Variants in ONECUT3 observed in about 807,000 individuals in gnomAD.
ONECUT3 encodes one cut domain family member 3.
ONECUT3 carries 11 observed loss-of-function variants against 16.8 expected under a neutral mutation model. That is an observed-to-expected ratio of 0.66 (90% CI 0.41 to 1.09). ONECUT3 has a LOEUF of 1.09. ONECUT3 is among the 50% of genes least tolerant of loss of function. The pLI is 0.00. For synonymous variants in ONECUT3, 344 were observed against 310.7 expected, an observed-to-expected ratio of 1.11 and a Z score of -1.13; for missense variants, 637 against 629.9, an observed-to-expected ratio of 1.01 and a Z score of -0.12.
At chr19:1,761,045 C>CTT (rs547570248) in intron 1 of ONECUT3, among the ~76,000 whole-genome samples, 73 of 84,020 alleles carry the variant, frequency 8.7e-4, no homozygotes, top group African/African-American at 2.1e-3. Flanking sequence ...CATTCCTGCT[C>CTT]TTTTTTTTTT....
chr19:1,755,463 G>A lies in ONECUT3; in HGVS notation c.1192+609G>A, dbSNP rs1326357277. ...CGATACCCCCTCCCTCTCCCCTCCGGCCGCTGGCAAAGGTCACCCGAGAAT... is the reference window on the plus strand; with the variant it reads ...CGATACCCCCTCCCTCTCCCCTCCGACCGCTGGCAAAGGTCACCCGAGAAT... On this transcript the variant is annotated intron_variant, in intron 1 of 1. Coordinates refer to ENST00000382349, the MANE Select transcript of ONECUT3 (RefSeq NM_001080488.2). This position sits in a 1 kb window ranked among gnomAD's most constrained non-coding sequence, Gnocchi z 7.5. 6.6e-6 allele frequency among the ~76,000 whole-genome samples: 1 copy of A among 151,968 alleles called. No homozygotes were observed. The highest frequency in any genetic ancestry group is 2.4e-5 in the African/African-American group (1 of 41,378).
In ONECUT3 at chr19:1,755,600, C is replaced by T. The variant is rs1292777340; in HGVS notation, c.1192+746C>T. ...TGGTCGTGGCTCGGGTGCGCGCGCCCCTGCCCGCCTGGCTTTGGGGTTTTG... is the reference window on the plus strand; with the variant it reads ...TGGTCGTGGCTCGGGTGCGCGCGCCTCTGCCCGCCTGGCTTTGGGGTTTTG... On this transcript the variant is annotated intron_variant, in intron 1 of 1. Coordinates refer to ENST00000382349, the MANE Select transcript of ONECUT3 (RefSeq NM_001080488.2). The surrounding 1 kb of genome is among the most constrained non-coding windows in gnomAD (Gnocchi z 7.5). 1.3e-5 allele frequency among the ~76,000 whole-genome samples: 2 copies of T among 152,226 alleles called. No individual in the cohort carries two copies. The highest frequency in any genetic ancestry group is 3.9e-4 in the East Asian group (2 of 5,158).
chr19:1,757,842 C>T (rs1160692148), intron 1 of ONECUT3, among the ~76,000 whole-genome samples: 1 of 152,162 alleles, frequency 6.6e-6, no homozygotes. Context: ...GACGCCCCAA[C>T]GCTGGTGCTC....
intron 1 of ONECUT3, 27 bp from the exon 2 acceptor site, chr19:1,775,126 G>GGGCCGCCCCCCC: frequency 1.7e-6 from 2 of 1,143,898 alleles, no homozygotes; most frequent in Non-Finnish European, 2.4e-6. Context: ...TGTCCCGCTC[G>GGGCCGCCCCCCC]CCCGCCCGCC....
In ONECUT3 at chr19:1,754,779, C is replaced by G; in HGVS notation, c.1117C>G (p.Arg373Gly). 6.4e-7 allele frequency: 1 copy of G among 1,565,088 alleles called. No homozygotes were observed. ...GCCGTGGAGCAAGCTCAAATCCGGC[C>G]GCGAGACCTTCCGCAGGATGTGGAA... The part of the protein sequence containing the change: ...PKPWSKLKSG[R>G]ETFRRMWKWL... Residue 373 changes from arginine (R) to glycine (G), a missense_variant, in exon 1 of 2, where the codon CGC becomes GGC. Physicochemically the swap from Arg to Gly is moderately radical, Grantham distance 125. Around this residue, in one of 3 missense-constraint regions of ONECUT3, gnomAD observed 183 missense variants for 188.3 expected, o/e 0.97. Transcript: ENST00000382349. This position sits in a 1 kb window ranked among gnomAD's most constrained non-coding sequence, Gnocchi z 7.4.
Position 1,775,811 on chromosome 19 carries a change from A to G in ONECUT3, c.*366A>G. ...CCCTAAAGCGGGTCAAGAAGCACAT[A>G]CTAGAAATATAAACCGGGTATTTAA... is the stretch of plus-strand genomic sequence containing the variant. On this transcript the variant is annotated 3_prime_UTR_variant, in exon 2 of 2. Coordinates refer to ENST00000382349, the MANE Select transcript of ONECUT3 (RefSeq NM_001080488.2). 5.8e-6 allele frequency: 1 copy of G among 173,808 alleles called. No individual in the cohort carries two copies. Among genetic ancestry groups the G allele is most frequent in the East Asian group, 1.5e-4 (1 of 6,492 alleles). The allele number at this position is 173,808 out of a possible 1,614,324, so 10.8% of individuals were successfully genotyped here.
rs757813156 is a variant in ONECUT3 at position 1,776,919 on chromosome 19, G to T, written c.*1474G>T. On this transcript the variant is annotated 3_prime_UTR_variant, in exon 2 of 2. Coordinates refer to ENST00000382349, the MANE Select transcript of ONECUT3 (RefSeq NM_001080488.2). This position sits in a 1 kb window ranked among gnomAD's most constrained non-coding sequence, Gnocchi z 4.9. ...TTGGAAAATCACGCCTGATACCAAA[G>T]ATTTCTCCCAAGGATTTGTGCTGGA... 2.0e-5 allele frequency: 3 copies of T among 152,130 alleles called. No individual in the cohort carries two copies. Among genetic ancestry groups the T allele is most frequent in the Non-Finnish European group, 2.9e-5 (2 of 68,042 alleles). 9.4% of individuals were successfully genotyped at this position (152,130 alleles called of 1,614,324 possible).
intron 1 of ONECUT3, among the ~76,000 whole-genome samples, chr19:1,760,446 C>T (rs891723409): frequency 4.6e-5 from 7 of 151,996 alleles, no homozygotes; most frequent in African/African-American, 1.7e-4. Context: ...GTGGCACTTT[C>T]CACGTTCTCA....
intron 1 of ONECUT3, 146 bp from the exon 2 acceptor site, chr19:1,775,007 G>T: frequency 1.7e-6 from 1 of 573,140 alleles, no homozygotes. Context: ...CTCTCCCTGG[G>T]ACCTTATGTG....
chr19:1,775,124 T>TCGGGC, intron 1 of ONECUT3, 29 bp from the exon 2 acceptor site: 1 of 1,082,162 alleles, frequency 9.2e-7, no homozygotes, highest in Non-Finnish European at 1.3e-6. Context: ...TGTGTCCCGC[T>TCGGGC]CGCCCGCCCG....
At chr19:1,769,192 G>A (rs1278855462) in intron 1 of ONECUT3, among the ~76,000 whole-genome samples, 1 of 151,264 alleles carries the variant, frequency 6.6e-6, no homozygotes, top group African/African-American at 2.4e-5. Flanking sequence ...TGGAGGTGAT[G>A]GAGGTGGAGG....
chr19:1,775,130 G>GCCCCCCCCCCCC, intron 1 of ONECUT3, 23 bp from the exon 2 acceptor site: 1 of 756,848 alleles, frequency 1.3e-6, no homozygotes, highest in Non-Finnish European at 1.9e-6. Context: ...CCGCTCGCCC[G>GCCCCCCCCCCCC]CCCGCCCGCC....
intron 1 of ONECUT3, among the ~76,000 whole-genome samples, chr19:1,756,103 G>T (rs995793776): frequency 7.2e-5 from 11 of 152,146 alleles, no homozygotes; most frequent in African/African-American, 2.7e-4. Flanking sequence ...CAGGCAGCCC[G>T]TCCAGGCAGG....
intron 1 of ONECUT3, among the ~76,000 whole-genome samples, chr19:1,763,389 A>AAAAAAAAAAAAAAAAAAT (rs2067957880): frequency 7.1e-6 from 1 of 141,166 alleles, no homozygotes; most frequent in Non-Finnish European, 1.5e-5. Context: ...AAAAAAAAAA[A>AAAAAAAAAAAAAAAAAAT]AAAAAAATTA....
In ONECUT3 at chr19:1,774,474, G is replaced by A. The variant is rs1024591512; in HGVS notation, c.1193-679G>A. On this transcript the variant is annotated intron_variant, in intron 1 of 1. Transcript: ENST00000382349. ...GCCCTGGTTAGCCCACCATTTCTGG[G>A]GAAGGCTGCTGGGTTTTGTGATGCA... 4.6e-5 allele frequency among the ~76,000 whole-genome samples: 7 copies of A among 152,128 alleles called. No homozygotes were observed. In the South Asian group the frequency reaches 1.0e-3, roughly 23 times the overall value.
Position 1,775,684 on chromosome 19 carries a change from C to A in ONECUT3, c.*239C>A, listed in dbSNP as rs10408726. The A allele has an allele frequency of 1.8e-3, 718 of 393,098 alleles. 7 individuals carry two copies. The highest frequency in any genetic ancestry group is 0.013 in the African/African-American group (624 of 46,984). 24.4% of individuals were successfully genotyped at this position (393,098 alleles called of 1,614,324 possible). A position where few individuals can be genotyped will look rare whatever the true frequency, so the allele number is the denominator to read the frequency against. On this transcript the variant is annotated 3_prime_UTR_variant, in exon 2 of 2. Coordinates refer to ENST00000382349, the MANE Select transcript of ONECUT3 (RefSeq NM_001080488.2). ...TCCAGGCCAAAGGAAGCCCTCCACC[C>A]CCCCCCGGAGGGGAGGGAGTGACAG... is the stretch of plus-strand genomic sequence containing the variant.
intron 1 of ONECUT3, among the ~76,000 whole-genome samples, chr19:1,774,684 G>T (rs2068088188): frequency 6.9e-6 from 1 of 145,162 alleles, no homozygotes; most frequent in Admixed American, 7.1e-5. Context: ...GTAGGACGGG[G>T]TTTGGGGGGT....
At position 1,754,686 on chromosome 19, in the gene ONECUT3, G is replaced by A; in HGVS notation, c.1024G>A (p.Ala342Thr). Reference protein sequence around the residue: ...AELKRYSIPQAIFAQRILCRS... With the variant: ...AELKRYSIPQTIFAQRILCRS... ...GCTGAAGCGCTACAGCATCCCGCAGGCAATCTTCGCGCAGCGGATCCTGTG... is the reference window on the plus strand; with the variant it reads ...GCTGAAGCGCTACAGCATCCCGCAGACAATCTTCGCGCAGCGGATCCTGTG... The change falls in exon 1 of 2, where the codon GCA (alanine) becomes ACA (threonine). Residue 342 changes from alanine (A) to threonine (T), a missense_variant. By Grantham distance (58) the Ala-to-Thr change is moderately conservative (BLOSUM62 0). This residue lies in a region of ONECUT3 where 35 missense variants were observed against 63.8 expected (regional missense o/e 0.55). Transcript: ENST00000382349. This position sits in a 1 kb window ranked among gnomAD's most constrained non-coding sequence, Gnocchi z 7.4. 6.5e-7 allele frequency: 1 copy of A among 1,532,972 alleles called. No individual in the cohort carries two copies. The highest frequency in any genetic ancestry group is 8.8e-7 in the Non-Finnish European group (1 of 1,140,832). 95.0% of individuals were successfully genotyped at this position (1,532,972 alleles called of 1,614,324 possible).
Position 1,758,342 on chromosome 19 carries a change from A to C in ONECUT3, c.1192+3488A>C. On this transcript the variant is annotated intron_variant, in intron 1 of 1. Transcript: ENST00000382349. This position sits in a 1 kb window ranked among gnomAD's most constrained non-coding sequence, Gnocchi z 5.9. Reference sequence around the variant, plus strand: ...GAGAGAGAGAGAGAGAGAGACAGAGATGGGAGAGGAACTCTGGGTGCTGGA... The same window carrying C: ...GAGAGAGAGAGAGAGAGAGACAGAGCTGGGAGAGGAACTCTGGGTGCTGGA... Among the ~76,000 whole-genome samples the C allele has an allele frequency of 6.8e-6, 1 of 146,402 alleles. No individual in the cohort carries two copies. Among genetic ancestry groups the C allele is most frequent in the East Asian group, 2.0e-4 (1 of 5,034 alleles).
Sources: gnomAD v4.1 joint callset for allele counts (sites outside exome capture counted in the v4.1 genomes callset) on GRCh38, gnomAD v4.1.1 for gene constraint, gnomAD v4.1.1 regional missense constraint, Gnocchi (gnomAD v3.1) non-coding constraint, MANE v1.5 for transcripts, NCBI Gene and HGNC (gene_info 2026-07-23, HGNC 2026-07-21) for gene names.